Variants in PTPRQ observed in about 807,000 individuals in gnomAD.
The protein encoded by PTPRQ is protein tyrosine phosphatase receptor type Q, also known as phosphatidylinositol phosphatase PTPRQ.
Under a neutral mutation model 246.0 loss-of-function variants are expected in PTPRQ, and 199 were observed. That is an observed-to-expected ratio of 0.81 (90% CI 0.72 to 0.91). The LOEUF (loss-of-function observed/expected upper bound fraction) is 0.91, where lower values mean the gene tolerates loss of function less well. Among genes scored for constraint, PTPRQ ranks in the 40% least tolerant of loss-of-function variants. PTPRQ has a pLI of 0.00. For missense variants in PTPRQ, 2,624 were observed against 2,528.4 expected (o/e 1.04, Z -0.81); for synonymous variants, 869 against 853.2 (o/e 1.02, Z -0.32).
At chr12:80,623,374 T>C (rs1453564871) in intron 33 of PTPRQ, among the ~76,000 whole-genome samples, 1 of 152,148 alleles carries the variant, frequency 6.6e-6, no homozygotes, top group African/African-American at 2.4e-5. Flanking sequence ...TTTGTTTAAT[T>C]TTATACAAAT....
At chr12:80,481,464 C>T (rs545890862) in intron 8 of PTPRQ, among the ~76,000 whole-genome samples, 1 of 152,234 alleles carries the variant, frequency 6.6e-6, no homozygotes, top group Admixed American at 6.5e-5. Flanking sequence ...AAAACTGGCA[C>T]AAGACAGGGA....
At chr12:80,517,989 C>T (rs1895357374) in intron 17 of PTPRQ, among the ~76,000 whole-genome samples, 1 of 152,070 alleles carries the variant, frequency 6.6e-6, no homozygotes, top group African/African-American at 2.4e-5. Flanking sequence ...TTTCTTTTGG[C>T]TATATACCCA....
chr12:80,512,952 C>T (rs879792572), intron 17 of PTPRQ, among the ~76,000 whole-genome samples: 1 of 151,976 alleles, frequency 6.6e-6, no homozygotes, highest in Non-Finnish European at 1.5e-5. Context: ...TTCTCTGGTG[C>T]CCCCCTGCTC....
At chr12:80,619,592 T>C (rs1302889797) in intron 31 of PTPRQ, 50 bp downstream of exon 31, 1 of 1,373,918 alleles carries the variant, frequency 7.3e-7, no homozygotes, top group Non-Finnish European at 9.5e-7. Context: ...TGTAGATTAC[T>C]GAGTGCTAAA....
intron 8 of PTPRQ, among the ~76,000 whole-genome samples, chr12:80,480,639 A>G (rs1894010190): frequency 6.6e-6 from 1 of 152,054 alleles, no homozygotes; most frequent in Non-Finnish European, 1.5e-5. Context: ...AGACTAATAA[A>G]GAAAAAAAGA....
chr12:80,546,659 A>C lies in PTPRQ; in HGVS notation c.3977A>C (p.Gln1326Pro). 6.4e-7 allele frequency: 1 copy of C among 1,551,490 alleles called. No individual in the cohort carries two copies. Among genetic ancestry groups the C allele is most frequent in the Non-Finnish European group, 8.7e-7 (1 of 1,146,866 alleles). The change falls in exon 24 of 45, where the codon CAA (glutamine) becomes CCA (proline). Residue 1326 changes from glutamine to proline, a missense_variant. Transcript: ENST00000644991. ...TTCACCAAAGTTGGAAATGGCAATCAATTTAGTAATGTAGTAAAATTCACA... is the reference window on the plus strand; with the variant it reads ...TTCACCAAAGTTGGAAATGGCAATCCATTTAGTAATGTAGTAAAATTCACA... ...SAFTKVGNGNQFSNVVKFTTQ... is the reference protein window; with the variant it reads ...SAFTKVGNGNPFSNVVKFTTQ...
Position 80,679,239 on chromosome 12 carries a change from T to C in PTPRQ, c.*216T>C, listed in dbSNP as rs1901242715. The C allele has an allele frequency of 2.2e-6, 1 of 446,936 alleles. No individual in the cohort carries two copies. Among genetic ancestry groups the C allele is most frequent in the Admixed American group, 4.6e-5 (1 of 21,862 alleles). 27.7% of individuals were successfully genotyped at this position (446,936 alleles called of 1,614,324 possible). On this transcript the variant is annotated 3_prime_UTR_variant, in exon 45 of 45. Coordinates refer to ENST00000644991, the MANE Select transcript of PTPRQ (RefSeq NM_001145026.2). The stretch of plus-strand genomic sequence containing the variant: ...TTTGTACAGAATAAATATTATGCAT[T>C]TTAAATGCTTAAGAAAAGACATCCC...
intron 35 of PTPRQ, among the ~76,000 whole-genome samples, chr12:80,647,836 A>G (rs1250708601): frequency 6.6e-6 from 1 of 152,078 alleles, no homozygotes; most frequent in Non-Finnish European, 1.5e-5. Flanking sequence ...GGAATAGTCT[A>G]TCACTTTATG....
chr12:80,675,636 T>C (rs959511615), intron 43 of PTPRQ, among the ~76,000 whole-genome samples: 1 of 152,186 alleles, frequency 6.6e-6, no homozygotes, highest in East Asian at 1.9e-4. Context: ...GCTCTGCAAC[T>C]TTGTAGAATT....
chr12:80,542,011 A>G, intron 21 of PTPRQ, 78 bp from the exon 22 acceptor site: 1 of 1,494,132 alleles, frequency 6.7e-7, no homozygotes. Flanking sequence ...AGAAAATCAA[A>G]TCCCATTATG....
intron 44 of PTPRQ, 119 bp from the exon 45 acceptor site, chr12:80,678,862 TTTCTC>T: frequency 7.7e-7 from 1 of 1,297,852 alleles, no homozygotes; most frequent in South Asian, 2.2e-5. Flanking sequence ...TTCTTTAACT[TTTCTC>T]TAATCCAAGT....
chr12:80,672,978 T>A (rs1901020847), intron 42 of PTPRQ, among the ~76,000 whole-genome samples, 191 bp from the exon 43 acceptor site: 1 of 152,126 alleles, frequency 6.6e-6, no homozygotes, highest in Non-Finnish European at 1.5e-5. Context: ...ATATTAATGA[T>A]AATCATCTTG....
rs1460239616 is a variant in PTPRQ at position 80,491,923 on chromosome 12, T to C, written c.1360-1352T>C. ...TTATAAACAACTGAAACCTATATTA[T>C]GAATTAATATAAACTCTGAGGGTAA... On this transcript the variant is annotated intron_variant, in intron 9 of 44. Coordinates refer to ENST00000644991, the MANE Select transcript of PTPRQ (RefSeq NM_001145026.2). Among the ~76,000 whole-genome samples, 5 of 151,930 alleles carry C rather than the reference T, an allele frequency of 3.3e-5. No individual in the cohort carries two copies. In the East Asian group the frequency reaches 9.7e-4, roughly 29 times the overall value.
At chr12:80,546,221 A>G (rs896139465) in intron 23 of PTPRQ, among the ~76,000 whole-genome samples, 1 of 152,046 alleles carries the variant, frequency 6.6e-6, no homozygotes, top group Non-Finnish European at 1.5e-5. Context: ...TGGGAGGCTG[A>G]GGCAGGGAGA....
At position 80,613,591 on chromosome 12, in the gene PTPRQ, G is replaced by A. The variant is rs1282629652; in HGVS notation, c.4919-1G>A. The A allele has an allele frequency of 1.3e-6, 2 of 1,505,864 alleles. No individual in the cohort carries two copies. Among genetic ancestry groups the A allele is most frequent in the South Asian group, 1.3e-5 (1 of 74,204 alleles). 93.3% of individuals were successfully genotyped at this position (1,505,864 alleles called of 1,614,324 possible). On this transcript the variant is annotated splice_acceptor_variant, in intron 28 of 44. Transcript: ENST00000644991. LOFTEE classifies it high-confidence loss of function. ...ATTAATTGTTAAATATTTTATTTTA[G>A]CCCCAAAGGACCCACCTAACAACAT...
Position 80,534,017 on chromosome 12 carries a change from A to C in PTPRQ, c.2681A>C (p.Asn894Thr). The change falls in exon 18 of 45, where the codon AAT (asparagine) becomes ACT (threonine). Residue 894 changes from asparagine to threonine, a missense_variant and splice_region_variant. By Grantham distance (65) the Asn-to-Thr change is moderately conservative. Transcript: ENST00000644991. ...IILYYTVYVWNRSSLKTINVT... is the reference protein window; with the variant it reads ...IILYYTVYVWTRSSLKTINVT... ...AGATAATATTCTTTTTATCTCAGGA[A>C]TAGATCATCATTAAAAACTATTAAT... The C allele has an allele frequency of 1.3e-6, 2 of 1,490,006 alleles. No individual in the cohort carries two copies. Among genetic ancestry groups the C allele is most frequent in the Non-Finnish European group, 1.8e-6 (2 of 1,120,688 alleles). 92.3% of individuals were successfully genotyped at this position (1,490,006 alleles called of 1,614,324 possible).
At chr12:80,572,355 A>C (rs1212478179) in intron 25 of PTPRQ, among the ~76,000 whole-genome samples, 2 of 152,106 alleles carry the variant, frequency 1.3e-5, no homozygotes, top group African/African-American at 4.8e-5. Flanking sequence ...TTATATTGAC[A>C]TTGTATCCTA....
At position 80,663,401 on chromosome 12, in the gene PTPRQ, A is replaced by G. The variant is rs115866829; in HGVS notation, c.6192+5340A>G. 7.6e-3 allele frequency among the ~76,000 whole-genome samples: 1,158 copies of G among 151,944 alleles called. 8 individuals are homozygous for G. The highest frequency in any genetic ancestry group is 0.027 in the African/African-American group (1,116 of 41,474). On this transcript the variant is annotated intron_variant, in intron 39 of 44. Transcript: ENST00000644991. ...TGGCCTTGCTCACCAGTGGGTCTGC[A>G]TACCCTCCCGTACGTACTCAGCATA...
chr12:80,488,906 T>C (rs1258258220), intron 9 of PTPRQ, among the ~76,000 whole-genome samples: 6 of 151,964 alleles, frequency 3.9e-5, no homozygotes, highest in Non-Finnish European at 7.4e-5. Context: ...AGTCTCAGGG[T>C]TTGAGATCTT....
Sources: gnomAD v4.1 joint callset for allele counts (sites outside exome capture counted in the v4.1 genomes callset) on GRCh38, gnomAD v4.1.1 for gene constraint, MANE v1.5 for transcripts, NCBI Gene and HGNC (gene_info 2026-07-23, HGNC 2026-07-21) for gene names.